Variants in SH3GL3 observed in about 807,000 individuals in gnomAD.
SH3GL3 encodes endophilin-A3.
SH3GL3 carries 33 observed loss-of-function variants against 47.7 expected under a neutral mutation model. The ratio of observed to expected loss-of-function variants is 0.69; its 90% confidence interval spans 0.52 to 0.92. The LOEUF is 0.92. Among genes scored for constraint, SH3GL3 ranks in the 40% least tolerant of loss-of-function variants. The probability of loss-of-function intolerance (pLI) is 0.00; values close to 1 mark genes in which losing one functional copy is unlikely to be tolerated. For synonymous variants in SH3GL3, 155 were observed against 148.8 expected (o/e 1.04, Z -0.30); for missense variants, 363 against 417.8 (o/e 0.87, Z 1.14).
chr15:83,520,586 A>G (rs1456193957), intron 1 of SH3GL3, among the ~76,000 whole-genome samples: 1 of 152,162 alleles, frequency 6.6e-6, no homozygotes, highest in Non-Finnish European at 1.5e-5. Flanking sequence ...GTGGGTACAG[A>G]CTGAGCTACA....
rs117459419 is a variant in SH3GL3 at position 83,567,527 on chromosome 15, G to A, written c.188-1002G>A. Among the ~76,000 whole-genome samples the A allele has an allele frequency of 9.3e-3, 1,418 of 152,166 alleles. 75 individuals are homozygous for A. The East Asian group carries it at 0.14, about 15-fold the overall frequency. On this transcript the variant is annotated intron_variant, in intron 3 of 8. Transcript: ENST00000427482. ...AAAGGAAGGTAAGACGCAGTGATGC[G>A]CATCACCTCCCTAGGGAGCAGAGGC...
At chr15:83,604,521 T>TA (rs1189965220) in intron 8 of SH3GL3, among the ~76,000 whole-genome samples, 2 of 152,190 alleles carry the variant, frequency 1.3e-5, no homozygotes, top group African/African-American at 4.8e-5. Flanking sequence ...GGGCCAACAG[T>TA]ATGCCAGGAG....
chr15:83,631,132 C>T, the SH3GL3 span, among the ~76,000 whole-genome samples: 2 of 152,168 alleles, frequency 1.3e-5, no homozygotes, highest in Admixed American at 6.5e-5. Flanking sequence ...CTCAAAGTTC[C>T]AAAATGATCT....
chr15:83,478,269 A>C (rs943279519), intron 1 of SH3GL3, among the ~76,000 whole-genome samples: 4 of 152,110 alleles, frequency 2.6e-5, no homozygotes, highest in Non-Finnish European at 5.9e-5. Context: ...CTAAGCACAG[A>C]GATTTGGGAT....
At chr15:83,574,356 C>A (rs1596291510) in intron 5 of SH3GL3, among the ~76,000 whole-genome samples, 1 of 152,176 alleles carries the variant, frequency 6.6e-6, no homozygotes, top group African/African-American at 2.4e-5. Flanking sequence ...ATACCATCCT[C>A]TTCTTCCATC....
At position 83,506,847 on chromosome 15, in the gene SH3GL3, C is replaced by T. The variant is rs141057808; in HGVS notation, c.46-52406C>T. 2.5e-3 allele frequency among the ~76,000 whole-genome samples: 385 copies of T among 152,092 alleles called. 1 individual carries two copies. Among genetic ancestry groups the T allele is most frequent in the Middle Eastern group, 0.014 (4 of 294 alleles). ...GGTTTTCAAACCTCCACTCCTTCAG[C>T]GATAAAGGCTCCCAAGGAGTGGCTG... On this transcript the variant is annotated intron_variant, in intron 1 of 8. Coordinates refer to ENST00000427482, the MANE Select transcript of SH3GL3 (RefSeq NM_003027.5).
At chr15:83,478,277 G>A (rs1038984551) in intron 1 of SH3GL3, among the ~76,000 whole-genome samples, 1 of 152,122 alleles carries the variant, frequency 6.6e-6, no homozygotes, top group African/African-American at 2.4e-5. Context: ...AGAGATTTGG[G>A]ATTCAGCAAG....
intron 1 of SH3GL3, among the ~76,000 whole-genome samples, chr15:83,467,370 G>A (rs1292076384): frequency 1.3e-5 from 2 of 152,170 alleles, no homozygotes; most frequent in Non-Finnish European, 2.9e-5. Context: ...CTCATGCCTT[G>A]CCTATTCTGT....
intron 8 of SH3GL3, among the ~76,000 whole-genome samples, chr15:83,598,191 C>T (rs1276802573): frequency 6.6e-6 from 1 of 152,132 alleles, no homozygotes; most frequent in Non-Finnish European, 1.5e-5. Flanking sequence ...CACTCAGTAC[C>T]CCTTCCTGAA....
chr15:83,519,697 A>G (rs999321274), intron 1 of SH3GL3, among the ~76,000 whole-genome samples: 1 of 150,966 alleles, frequency 6.6e-6, no homozygotes, highest in Non-Finnish European at 1.5e-5. Flanking sequence ...TTCCTCTTCC[A>G]CTCTCTTACT....
intron 1 of SH3GL3, among the ~76,000 whole-genome samples, chr15:83,543,326 T>C (rs1357389656): frequency 6.6e-6 from 1 of 152,168 alleles, no homozygotes; most frequent in African/African-American, 2.4e-5. Context: ...CTGGGTTGAA[T>C]CCTACTTGGT....
At chr15:83,512,423 GA>G (rs2042798365) in intron 1 of SH3GL3, among the ~76,000 whole-genome samples, 1 of 152,284 alleles carries the variant, frequency 6.6e-6, no homozygotes, top group South Asian at 2.1e-4. Context: ...CCTAGGGTGA[GA>G]AGTCTCTTAA....
intron 1 of SH3GL3, among the ~76,000 whole-genome samples, chr15:83,536,321 A>T (rs1006382379): frequency 2.0e-5 from 3 of 151,988 alleles, no homozygotes; most frequent in Non-Finnish European, 2.9e-5. Context: ...GGTGGGGCCA[A>T]ACCTTTTTCT....
intron 1 of SH3GL3, among the ~76,000 whole-genome samples, chr15:83,506,369 G>A (rs980096284): frequency 6.6e-6 from 1 of 152,036 alleles, no homozygotes; most frequent in Non-Finnish European, 1.5e-5. Flanking sequence ...GTATTATGAA[G>A]TGGGATCCTA....
the SH3GL3 span, among the ~76,000 whole-genome samples, chr15:83,628,721 T>C: frequency 6.6e-6 from 1 of 152,068 alleles, no homozygotes; most frequent in African/African-American, 2.4e-5. Context: ...CCCTCTACCC[T>C]GGGTGACAGA....
At chr15:83,451,657 G>GT (rs1297204929) in intron 1 of SH3GL3, among the ~76,000 whole-genome samples, 1 of 116,048 alleles carries the variant, frequency 8.6e-6, no homozygotes, top group South Asian at 3.7e-4. Context: ...GGGGTTCTTT[G>GT]TTTTTTTCTT....
chr15:83,458,827 A>G (rs1025815581), intron 1 of SH3GL3, among the ~76,000 whole-genome samples: 11 of 152,188 alleles, frequency 7.2e-5, no homozygotes, highest in African/African-American at 2.7e-4. Flanking sequence ...TAGGACAAAG[A>G]AGGGTGTATT....
chr15:83,492,395 C>T (rs1203419533), intron 1 of SH3GL3, among the ~76,000 whole-genome samples: 1 of 150,872 alleles, frequency 6.6e-6, no homozygotes, highest in African/African-American at 2.4e-5. Flanking sequence ...AAAGATGCCA[C>T]ACCACATTTC....
the SH3GL3 span, among the ~76,000 whole-genome samples, chr15:83,631,792 G>A: frequency 1.3e-5 from 2 of 152,210 alleles, no homozygotes; most frequent in East Asian, 3.9e-4. Flanking sequence ...GGGCTGCCAT[G>A]AAGGTCTCTG....
Sources: allele counts gnomAD v4.1 joint callset (sites outside exome capture counted in the v4.1 genomes callset), GRCh38; gene constraint gnomAD v4.1.1; transcripts MANE v1.5; gene names NCBI Gene and HGNC (gene_info 2026-07-23, HGNC 2026-07-21).